TAF5L: variants seen among roughly 807,000 people sequenced by gnomAD.
TAF5L encodes the protein TAF5-like RNA polymerase II p300/CBP-associated factor-associated factor 65 kDa subunit 5L.
TAF5L carries 7 observed loss-of-function variants against 51.3 expected under a neutral mutation model. The ratio of observed to expected loss-of-function variants is 0.14; its 90% CI spans 0.08 to 0.26. The LOEUF is 0.26. Among genes scored for constraint, TAF5L ranks in the 10% least tolerant of loss-of-function variants. The pLI is 1.00. For missense variants in TAF5L, 575 were observed against 758.9 expected (o/e 0.76, Z 2.85); for synonymous variants, 291 against 308.1 (o/e 0.94, Z 0.58).
Position 229,610,213 on chromosome 1 carries a change from A to G in TAF5L, c.143-3T>C, listed in dbSNP as rs1360770311. ...GGCACAACCAGATTCTGATTGCACT[A>G]AAGAGGAGAAGATACACAAGTCAGG... On this transcript the variant is annotated splice_region_variant and splice_polypyrimidine_tract_variant and intron_variant, in intron 2 of 4. Coordinates refer to ENST00000258281, the Ensembl canonical transcript of TAF5L. 5.6e-6 allele frequency: 9 copies of G among 1,613,820 alleles called. No individual in the cohort carries two copies. Among genetic ancestry groups the G allele is most frequent in the Middle Eastern group, 3.3e-4 (2 of 6,082 alleles).
intron 3 of TAF5L, among the ~76,000 whole-genome samples, chr1:229,609,304 T>C (rs559687276): frequency 5.5e-4 from 84 of 152,308 alleles, no homozygotes; most frequent in Non-Finnish European, 9.6e-4. Flanking sequence ...TGACATTACA[T>C]ACATTTTTGT....
At chr1:229,606,848 G>A in intron 3 of TAF5L, 1 of 985,422 alleles carries the variant, frequency 1.0e-6, no homozygotes, top group Non-Finnish European at 1.2e-6. Flanking sequence ...CAATAGGTGA[G>A]CTCACAGAAT....
rs759392218 is a variant in TAF5L at position 229,594,333 on chromosome 1, CAGA to C, written c.1731_1733del (p.Leu578del). 1.7e-5 allele frequency: 28 copies of C among 1,610,338 alleles called. No individual in the cohort carries two copies. Among genetic ancestry groups the C allele is most frequent in the Admixed American group, 5.0e-5 (3 of 59,826 alleles). On this transcript the variant is annotated inframe_deletion, in exon 5 of 5. Coordinates refer to ENST00000258281, the Ensembl canonical transcript of TAF5L. This position sits in a 1 kb window ranked among gnomAD's most constrained non-coding sequence, Gnocchi z 7.9. The stretch of plus-strand genomic sequence containing the variant: ...GATTTTCTTGTGTAATTCCAGTCAC[CAGA>C]AGAAGGTTACAGGCCATGAACTGCA...
chr1:229,613,878 TATA>T (rs534855756), intron 2 of TAF5L, among the ~76,000 whole-genome samples: 4 of 152,142 alleles, frequency 2.6e-5, no homozygotes, highest in African/African-American at 7.2e-5. Context: ...GGAATGTGTC[TATA>T]ATAATAATAA....
At chr1:229,595,892 C>T (rs796221101) in intron 4 of TAF5L, among the ~76,000 whole-genome samples, 34 of 152,238 alleles carry the variant, frequency 2.2e-4, no homozygotes, top group African/African-American at 6.0e-4. Context: ...CTTGAACTCC[C>T]GACCTCAGGT....
At position 229,594,239 on chromosome 1, in the gene TAF5L, G is replaced by A; in HGVS notation, c.*58C>T. The A allele has an allele frequency of 6.6e-7, 1 of 1,520,600 alleles. No homozygotes were observed. The highest frequency in any genetic ancestry group is 8.9e-7 in the Non-Finnish European group (1 of 1,122,278). 94.2% of individuals were successfully genotyped at this position (1,520,600 alleles called of 1,614,324 possible). On this transcript the variant is annotated 3_prime_UTR_variant, in exon 5 of 5. Coordinates refer to ENST00000258281, the Ensembl canonical transcript of TAF5L. This position sits in a 1 kb window ranked among gnomAD's most constrained non-coding sequence, Gnocchi z 7.9. ...AATGATTCAATCTCAGCTCATTGAA[G>A]GATTGCAACTGGAGGCTTTCCACTG...
At chr1:229,596,969 G>A (rs993670641) in intron 4 of TAF5L, among the ~76,000 whole-genome samples, 2 of 152,176 alleles carry the variant, frequency 1.3e-5, no homozygotes, top group African/African-American at 4.8e-5. Flanking sequence ...AAACACTGAT[G>A]TCCATGAATA....
At chr1:229,600,179 C>G in intron 4 of TAF5L, 1 of 985,396 alleles carries the variant, frequency 1.0e-6, no homozygotes, top group Non-Finnish European at 1.2e-6. Flanking sequence ...CTAATTTATG[C>G]CTGGCTTTCT....
chr1:229,601,280 T>C, intron 4 of TAF5L: 9 of 985,378 alleles, frequency 9.1e-6, no homozygotes, highest in Non-Finnish European at 9.6e-6. Flanking sequence ...GTAATTTAAT[T>C]AGAGTGATTT....
intron 3 of TAF5L, among the ~76,000 whole-genome samples, chr1:229,604,912 C>T (rs1192293142): frequency 6.6e-6 from 1 of 152,122 alleles, no homozygotes; most frequent in African/African-American, 2.4e-5. Context: ...TTTCCTTTCT[C>T]GTTCCCTTAT....
chr1:229,602,324 C>T lies in TAF5L; in HGVS notation c.843G>A (p.Lys281=). ...AGTTGTCAAACCCAGCAGCAAGCAGCTTGCTATCGGGGGAGATTTCTGCAG... is the reference window on the plus strand; with the variant it reads ...AGTTGTCAAACCCAGCAGCAAGCAGTTTGCTATCGGGGGAGATTTCTGCAG... The change falls in exon 4 of 5, where the codon AAG becomes AAA. Residue 281 remains lysine (K), a synonymous_variant. Coordinates refer to ENST00000258281, the Ensembl canonical transcript of TAF5L. This position sits in a 1 kb window ranked among gnomAD's most constrained non-coding sequence, Gnocchi z 4.6. The T allele has an allele frequency of 6.2e-7, 1 of 1,614,172 alleles. No individual in the cohort carries two copies. Among genetic ancestry groups the T allele is most frequent in the Non-Finnish European group, 8.5e-7 (1 of 1,180,044 alleles).
intron 4 of TAF5L, chr1:229,600,670 T>C: frequency 1.0e-6 from 1 of 985,458 alleles, no homozygotes; most frequent in South Asian, 4.7e-5. Flanking sequence ...ATACTTAATT[T>C]CTTTCAGTTC....
chr1:229,614,383 G>A lies in TAF5L; in HGVS notation c.100C>T (p.Arg34Trp), dbSNP rs753094205. 23 of 1,614,082 alleles carry A rather than the reference G, an allele frequency of 1.4e-5. No individual in the cohort carries two copies. Among genetic ancestry groups the A allele is most frequent in the Non-Finnish European group, 1.9e-5 (22 of 1,180,036 alleles). Residue 34 changes from arginine (R) to tryptophan (W), a missense_variant, in exon 2 of 5, where the codon CGG becomes TGG. Arg to Trp is a moderately radical substitution (Grantham distance 101, BLOSUM62 -3). Around this residue, in one of 3 missense-constraint regions of TAF5L, gnomAD observed 380 missense variants for 443.7 expected, o/e 0.86. Coordinates refer to ENST00000258281, the Ensembl canonical transcript of TAF5L. Reference sequence around the variant, plus strand: ...ATCTCTTCAGCAGTCTGTGACAGCCGCAGTCCTTGCTTCAGGGGACCATCT... The same window carrying A: ...ATCTCTTCAGCAGTCTGTGACAGCCACAGTCCTTGCTTCAGGGGACCATCT...
At position 229,605,612 on chromosome 1, in the gene TAF5L, A is replaced by ATTT. The variant is rs71173751; in HGVS notation, c.248-2696_248-2694dup. 8.5e-3 allele frequency among the ~76,000 whole-genome samples: 1,270 copies of ATTT among 150,058 alleles called. 12 individuals are homozygous for ATTT. The highest frequency in any genetic ancestry group is 0.024 in the Middle Eastern group (7 of 288). On this transcript the variant is annotated intron_variant, in intron 3 of 4. Coordinates refer to ENST00000258281, the Ensembl canonical transcript of TAF5L. The stretch of plus-strand genomic sequence containing the variant: ...TTATTTTAAATGTTTCTGTGAAGGT[A>ATTT]TTTTTTTTTTTAGATGAGATTAACA...
chr1:229,605,128 A>ATATATATATATAT (rs1340196774), intron 3 of TAF5L, among the ~76,000 whole-genome samples: 1 of 145,098 alleles, frequency 6.9e-6, no homozygotes, highest in African/African-American at 2.6e-5. Flanking sequence ...ATATATATGT[A>ATATATATATATAT]TTTTTTTTTT....
intron 2 of TAF5L, among the ~76,000 whole-genome samples, chr1:229,613,329 CAA>C (rs567436350): frequency 4.1e-4 from 35 of 84,548 alleles, no homozygotes; most frequent in Admixed American, 6.1e-4. Flanking sequence ...GACTCTGTCT[CAA>C]AAAAAAAAAA....
chr1:229,614,477 T>A (rs1277148565), exon 2 of TAF5L: 2 of 1,614,056 alleles, frequency 1.2e-6, no homozygotes, highest in Non-Finnish European at 1.7e-6. Flanking sequence ...TACGCACTCG[T>A]TTCATGACCT....
intron 3 of TAF5L, among the ~76,000 whole-genome samples, chr1:229,604,118 T>C (rs2102747957): frequency 6.6e-6 from 1 of 152,198 alleles, no homozygotes; most frequent in East Asian, 1.9e-4. Flanking sequence ...TGTTTGTACA[T>C]ATTTAAATAA....
chr1:229,606,532 C>A, intron 3 of TAF5L: 1 of 985,384 alleles, frequency 1.0e-6, no homozygotes, highest in Admixed American at 6.1e-5. Context: ...TGTCGGTCCT[C>A]ATTCTCCTCT....
Sources: allele counts gnomAD v4.1 joint callset (sites outside exome capture counted in the v4.1 genomes callset), GRCh38; gene constraint gnomAD v4.1.1; regional missense constraint gnomAD v4.1.1; non-coding constraint Gnocchi (gnomAD v3.1); transcripts MANE v1.5; gene names NCBI Gene and HGNC (gene_info 2026-07-23, HGNC 2026-07-21).